NR2F1-AS1: variants seen among roughly 807,000 people sequenced by gnomAD.
NR2F1-AS1 encodes NR2F1 antisense RNA 1.
At chr5:93,540,530 T>G (rs2149905274) in intron 4 of NR2F1-AS1, among the ~76,000 whole-genome samples, 1 of 152,326 alleles carries the variant, frequency 6.6e-6, no homozygotes, top group East Asian at 1.9e-4. Context: ...TTTACTTTTC[T>G]GACATTCCAG....
intron 4 of NR2F1-AS1, among the ~76,000 whole-genome samples, chr5:93,448,580 T>G (rs1749766734): frequency 6.6e-6 from 1 of 152,186 alleles, no homozygotes; most frequent in African/African-American, 2.4e-5. Flanking sequence ...GTGTGGTACT[T>G]GCATAATAAA....
At position 93,579,473 on chromosome 5, in the gene NR2F1-AS1, T is replaced by C. The variant is rs1752969125; in HGVS notation, n.313+994A>G. ...GGGCACGGAGAGCCCACAGTAAGGATGGGTGGGCGCCTCTGCTCCCGGGCA... is the reference window on the plus strand; with the variant it reads ...GGGCACGGAGAGCCCACAGTAAGGACGGGTGGGCGCCTCTGCTCCCGGGCA... On this transcript the variant is annotated intron_variant and non_coding_transcript_variant, in intron 1 of 5. Transcript: ENST00000660523. This position sits in a 1 kb window ranked among gnomAD's most constrained non-coding sequence, Gnocchi z 5.1. 6.6e-6 allele frequency among the ~76,000 whole-genome samples: 1 copy of C among 152,106 alleles called. No homozygotes were observed. The highest frequency in any genetic ancestry group is 2.4e-5 in the African/African-American group (1 of 41,438).
At chr5:93,505,446 G>A (rs985264607) in intron 4 of NR2F1-AS1, among the ~76,000 whole-genome samples, 9 of 152,190 alleles carry the variant, frequency 5.9e-5, no homozygotes, top group Admixed American at 3.9e-4. Context: ...TCTCTGTAGG[G>A]ACTCCAACCC....
At chr5:93,507,660 T>C (rs558209096) in intron 4 of NR2F1-AS1, among the ~76,000 whole-genome samples, 2 of 152,226 alleles carry the variant, frequency 1.3e-5, no homozygotes, top group East Asian at 3.9e-4. Flanking sequence ...GCCCAGCCCC[T>C]AACCAGTTTT....
chr5:93,466,460 C>T (rs1379443494), intron 4 of NR2F1-AS1, among the ~76,000 whole-genome samples: 1 of 151,702 alleles, frequency 6.6e-6, no homozygotes, highest in Non-Finnish European at 1.5e-5. Context: ...CCTCAGCCTT[C>T]CAAGTCGCTG....
At chr5:93,491,670 G>C (rs899281587) in intron 4 of NR2F1-AS1, among the ~76,000 whole-genome samples, 5 of 152,110 alleles carry the variant, frequency 3.3e-5, no homozygotes, top group Admixed American at 3.3e-4. Context: ...TGAAGAAAAA[G>C]GTGGGAGAGC....
At chr5:93,492,349 G>A (rs1415060227) in intron 4 of NR2F1-AS1, among the ~76,000 whole-genome samples, 1 of 152,152 alleles carries the variant, frequency 6.6e-6, no homozygotes, top group Non-Finnish European at 1.5e-5. Context: ...TGGCTTCACT[G>A]TTTGTTTTTT....
intron 2 of NR2F1-AS1, chr5:93,563,309 T>G (rs1752537477): frequency 6.6e-6 from 1 of 152,222 alleles, no homozygotes; most frequent in African/African-American, 2.4e-5. Context: ...TGTGTTTCAC[T>G]AGGGTCTCTG....
intron 4 of NR2F1-AS1, among the ~76,000 whole-genome samples, chr5:93,484,282 G>T (rs1750668567): frequency 6.6e-6 from 1 of 152,180 alleles, no homozygotes; most frequent in Non-Finnish European, 1.5e-5. Context: ...CCAGAAGAGA[G>T]TGGGGGCCAA....
chr5:93,463,606 GC>G (rs1260387258), intron 4 of NR2F1-AS1, among the ~76,000 whole-genome samples: 5 of 152,170 alleles, frequency 3.3e-5, no homozygotes, highest in African/African-American at 4.8e-5. Context: ...CTGAATGCCA[GC>G]CCATGAAAGC....
chr5:93,560,852 C>A (rs1398312922), intron 2 of NR2F1-AS1, among the ~76,000 whole-genome samples: 1 of 152,128 alleles, frequency 6.6e-6, no homozygotes, highest in Non-Finnish European at 1.5e-5. Flanking sequence ...AATTTCAATA[C>A]CTGTGAACTG....
intron 4 of NR2F1-AS1, among the ~76,000 whole-genome samples, chr5:93,525,185 C>CA (rs1355414474): frequency 2.7e-5 from 4 of 147,450 alleles, no homozygotes; most frequent in East Asian, 2.0e-4. Flanking sequence ...AAATGGAAAG[C>CA]AAAAAAAAAG....
At chr5:93,576,573 A>G (rs535953590) in intron 1 of NR2F1-AS1, among the ~76,000 whole-genome samples, 42 of 152,334 alleles carry the variant, frequency 2.8e-4, no homozygotes, top group Admixed American at 2.7e-3. Flanking sequence ...ATAGGTAAAT[A>G]CAATTGCAAC....
At chr5:93,462,900 A>C (rs993784917) in intron 4 of NR2F1-AS1, among the ~76,000 whole-genome samples, 1 of 152,234 alleles carries the variant, frequency 6.6e-6, no homozygotes, top group African/African-American at 2.4e-5. Context: ...TGTTAAAAGC[A>C]TTCAGTTTTA....
At chr5:93,520,220 G>A (rs1751475397) in intron 4 of NR2F1-AS1, among the ~76,000 whole-genome samples, 1 of 151,934 alleles carries the variant, frequency 6.6e-6, no homozygotes, top group Non-Finnish European at 1.5e-5. Flanking sequence ...TTAATAGTCA[G>A]GATTAGTTGT....
intron 4 of NR2F1-AS1, among the ~76,000 whole-genome samples, chr5:93,536,106 A>G (rs1385831204): frequency 6.6e-6 from 1 of 152,208 alleles, no homozygotes; most frequent in African/African-American, 2.4e-5. Flanking sequence ...TGCAGGATAC[A>G]AAATCCACAT....
At chr5:93,531,562 A>C (rs1446729894) in intron 4 of NR2F1-AS1, among the ~76,000 whole-genome samples, 3 of 152,210 alleles carry the variant, frequency 2.0e-5, no homozygotes, top group Non-Finnish European at 4.4e-5. Context: ...ATACCATCTC[A>C]AAGAAGTATA....
intron 4 of NR2F1-AS1, among the ~76,000 whole-genome samples, chr5:93,418,359 T>G (rs1211465619): frequency 2.0e-5 from 3 of 152,036 alleles, no homozygotes; most frequent in African/African-American, 7.2e-5. Context: ...GAGGCCAAGG[T>G]GGGCAGATCA....
At chr5:93,436,448 C>T (rs1749433447) in intron 4 of NR2F1-AS1, among the ~76,000 whole-genome samples, 1 of 152,140 alleles carries the variant, frequency 6.6e-6, no homozygotes, top group Non-Finnish European at 1.5e-5. Flanking sequence ...ACTCAGTAAG[C>T]TATTACCATG....
Sources: allele counts gnomAD v4.1 joint callset (sites outside exome capture counted in the v4.1 genomes callset), GRCh38; gene constraint gnomAD v4.1.1; non-coding constraint Gnocchi (gnomAD v3.1); transcripts MANE v1.5; gene names NCBI Gene and HGNC (gene_info 2026-07-23, HGNC 2026-07-21).